LZTFL1: variants seen among roughly 807,000 people sequenced by gnomAD.
LZTFL1 encodes leucine zipper transcription factor like 1.
A neutral mutation model predicts 45.9 loss-of-function variants in LZTFL1; 25 were observed. That is an observed-to-expected ratio of 0.54 (90% confidence interval 0.40 to 0.76). LZTFL1 has a LOEUF of 0.76. Among genes scored for constraint, LZTFL1 ranks in the 30% least tolerant of loss-of-function variants. The pLI is 0.00. For missense variants in LZTFL1, 277 were observed against 331.1 expected, an observed-to-expected ratio of 0.84 and a Z score of 1.27; for synonymous variants, 93 against 117.4, an observed-to-expected ratio of 0.79 and a Z score of 1.35.
intron 2 of LZTFL1, among the ~76,000 whole-genome samples, chr3:45,875,879 T>A (rs1188824600): frequency 6.6e-6 from 1 of 152,188 alleles, no homozygotes; most frequent in Non-Finnish European, 1.5e-5. Context: ...TTTAAATTTG[T>A]GGAACCAAGT....
rs372425920 is a variant in LZTFL1 at position 45,898,286 on chromosome 3, T to C, written c.-215+14834A>G. Among the ~76,000 whole-genome samples the C allele has an allele frequency of 4.6e-5, 7 of 152,326 alleles. No individual in the cohort carries two copies. The East Asian group carries it at 5.8e-4, about 13-fold the overall frequency. ...GTCTTAGTGGGGCCATGATTGCAGC[T>C]GGTTCCCGTGTCCAGCGTTGGGAGG... is the stretch of plus-strand genomic sequence containing the variant. On this transcript the variant is annotated intron_variant, in intron 2 of 4. Transcript: ENST00000472635.
At chr3:45,881,170 T>C (rs918557025) in intron 2 of LZTFL1, among the ~76,000 whole-genome samples, 3 of 152,242 alleles carry the variant, frequency 2.0e-5, no homozygotes, top group African/African-American at 7.2e-5. Context: ...ACAGCTTGTA[T>C]TCTGCAGCAG....
intron 2 of LZTFL1, among the ~76,000 whole-genome samples, chr3:45,907,031 C>T (rs188122921): frequency 3.9e-5 from 6 of 152,354 alleles, no homozygotes; most frequent in South Asian, 4.1e-4. Context: ...ATCTCCTCTG[C>T]AGCCAGTCAG....
intron 3 of LZTFL1, among the ~76,000 whole-genome samples, chr3:45,858,244 G>T (rs76918476): frequency 2.7e-4 from 41 of 152,270 alleles, no homozygotes; most frequent in African/African-American, 9.4e-4. Context: ...TCAAGAAAAA[G>T]CATCTCATGC....
At chr3:45,835,864 C>A in intron 2 of LZTFL1, 80 bp from the exon 3 acceptor site, 1 of 958,060 alleles carries the variant, frequency 1.0e-6, no homozygotes. Context: ...AAGAAACCCA[C>A]ATTCATGTAA....
intron 2 of LZTFL1, among the ~76,000 whole-genome samples, chr3:45,881,351 A>G (rs2125726847): frequency 6.6e-6 from 1 of 152,298 alleles, no homozygotes; most frequent in South Asian, 2.1e-4. Flanking sequence ...GCTCAGTTAA[A>G]GATACCCAAG....
upstream of LZTFL1, among the ~76,000 whole-genome samples, chr3:45,844,464 T>A (rs1056701894): frequency 2.0e-5 from 3 of 151,510 alleles, no homozygotes; most frequent in African/African-American, 7.3e-5. Context: ...AAAAAAAAAA[T>A]AGGTGATACA....
At chr3:45,852,280 T>C (rs1304572842) in intron 4 of LZTFL1, among the ~76,000 whole-genome samples, 1 of 152,186 alleles carries the variant, frequency 6.6e-6, no homozygotes, top group Non-Finnish European at 1.5e-5. Context: ...TCATCAAAAC[T>C]GAAAAGGTAC....
At chr3:45,915,265 C>T (rs1250608946) in intron 1 of LZTFL1, among the ~76,000 whole-genome samples, 1 of 152,188 alleles carries the variant, frequency 6.6e-6, no homozygotes, top group African/African-American at 2.4e-5. Flanking sequence ...GCCCTCCTTG[C>T]AGCCTTTAGG....
At position 45,835,917 on chromosome 3, in the gene LZTFL1, T is replaced by G. The variant is rs1700955641; in HGVS notation, c.129-133A>C. 2.2e-5 allele frequency: 12 copies of G among 557,896 alleles called. No individual in the cohort carries two copies. The South Asian group carries it at 3.7e-4, about 17-fold the overall frequency. 34.6% of individuals were successfully genotyped at this position (557,896 alleles called of 1,614,324 possible). On this transcript the variant is annotated intron_variant, in intron 2 of 9. Coordinates refer to ENST00000296135, the MANE Select transcript of LZTFL1 (RefSeq NM_020347.4). The stretch of plus-strand genomic sequence containing the variant: ...TTACAGTGAAAATCTCTCTGGGAAC[T>G]ATCTTCTTTATTAATAAACATTGAA...
At chr3:45,885,637 T>C (rs1167282603) in intron 2 of LZTFL1, among the ~76,000 whole-genome samples, 4 of 152,254 alleles carry the variant, frequency 2.6e-5, no homozygotes, top group African/African-American at 4.8e-5. Flanking sequence ...TGTATCTGCA[T>C]TGTCCATTGG....
intron 1 of LZTFL1, 62 bp from the exon 2 acceptor site, chr3:45,838,113 G>GA: frequency 6.6e-7 from 1 of 1,504,954 alleles, no homozygotes; most frequent in South Asian, 1.3e-5. Context: ...AGCCAACAAT[G>GA]AAAATGCATA....
At chr3:45,852,504 G>A (rs553507910) in intron 4 of LZTFL1, among the ~76,000 whole-genome samples, 1 of 152,204 alleles carries the variant, frequency 6.6e-6, no homozygotes, top group Non-Finnish European at 1.5e-5. Flanking sequence ...GAACAAGGAA[G>A]AATCCATGTG....
At chr3:45,830,421 G>A (rs1700783624) in intron 7 of LZTFL1, among the ~76,000 whole-genome samples, 1 of 152,140 alleles carries the variant, frequency 6.6e-6, no homozygotes, top group South Asian at 2.1e-4. Flanking sequence ...GTGCCGGCGG[G>A]TACAGACGCA....
In LZTFL1 at chr3:45,901,841, A is replaced by C; in HGVS notation, c.-215+11279T>G. 2 of 1,612,434 alleles carry C rather than the reference A, an allele frequency of 1.2e-6. No homozygotes were observed. The highest frequency in any genetic ancestry group is 2.7e-5 in the African/African-American group (2 of 75,016). On this transcript the variant is annotated intron_variant, in intron 2 of 4. Coordinates refer to the LZTFL1 transcript ENST00000472635. The surrounding 1 kb of genome is among the most constrained non-coding windows in gnomAD (Gnocchi z 4.3). ...GGGTTTCATTTACAAGGAGAGAGGG[A>C]AGCTTGAAGCTGTCGTCTATGTTGC...
In LZTFL1 at chr3:45,825,656, G is replaced by A. The variant is rs1205836763; in HGVS notation, c.*658C>T. 1.3e-5 allele frequency: 2 copies of A among 152,108 alleles called. No individual in the cohort carries two copies. Among genetic ancestry groups the A allele is most frequent in the Non-Finnish European group, 2.9e-5 (2 of 67,996 alleles). 9.4% of individuals were successfully genotyped at this position (152,108 alleles called of 1,614,324 possible). A position where few individuals can be genotyped will look rare whatever the true frequency, so the allele number is the denominator to read the frequency against. On this transcript the variant is annotated 3_prime_UTR_variant, in exon 10 of 10. Coordinates refer to ENST00000296135, the MANE Select transcript of LZTFL1 (RefSeq NM_020347.4). Reference sequence around the variant, plus strand: ...GTAATACAGACTCATGAAAAGTTATGCTGCAAAAAATGCTGAACCTCCTCT... The same window carrying A: ...GTAATACAGACTCATGAAAAGTTATACTGCAAAAAATGCTGAACCTCCTCT...
In LZTFL1 at chr3:45,835,800, G is replaced by A. The variant is rs775406285; in HGVS notation, c.129-16C>T. Reference sequence around the variant, plus strand: ...CTCCACCAGCCTGAAAAACAACCATGATCCAAAACTTATAGAAAAACAACA... The same window carrying A: ...CTCCACCAGCCTGAAAAACAACCATAATCCAAAACTTATAGAAAAACAACA... On this transcript the variant is annotated splice_polypyrimidine_tract_variant and intron_variant, in intron 2 of 9. Coordinates refer to ENST00000296135, the MANE Select transcript of LZTFL1 (RefSeq NM_020347.4). 3 of 1,554,100 alleles carry A rather than the reference G, an allele frequency of 1.9e-6. No individual in the cohort carries two copies. Among genetic ancestry groups the A allele is most frequent in the South Asian group, 2.4e-5 (2 of 82,940 alleles).
At chr3:45,854,755 A>G (rs1701362746) in intron 4 of LZTFL1, among the ~76,000 whole-genome samples, 1 of 152,204 alleles carries the variant, frequency 6.6e-6, no homozygotes, top group Non-Finnish European at 1.5e-5. Context: ...TTTTATCACT[A>G]TCTGCCAATG....
intron 2 of LZTFL1, among the ~76,000 whole-genome samples, chr3:45,836,184 T>C (rs1700961658): frequency 6.6e-6 from 1 of 152,196 alleles, no homozygotes; most frequent in African/African-American, 2.4e-5. Flanking sequence ...TTTTAATAAC[T>C]GTATGAACTA....
Sources: allele counts gnomAD v4.1 joint callset (sites outside exome capture counted in the v4.1 genomes callset), GRCh38; gene constraint gnomAD v4.1.1; non-coding constraint Gnocchi (gnomAD v3.1); transcripts MANE v1.5; gene names NCBI Gene and HGNC (gene_info 2026-07-23, HGNC 2026-07-21).